Variants in MSH4 observed in about 807,000 individuals in gnomAD.
MSH4 encodes mutS homolog 4.
MSH4 carries 106 observed loss-of-function variants against 113.7 expected under a neutral mutation model. That is an observed-to-expected ratio of 0.93 (90% CI 0.80 to 1.10). The LOEUF is 1.10. MSH4 is among the 50% of genes least tolerant of loss of function. The probability of loss-of-function intolerance (pLI) is 0.00; values close to 1 mark genes in which losing one functional copy is unlikely to be tolerated. For synonymous variants in MSH4, 368 were observed against 380.2 expected, an observed-to-expected ratio of 0.97 and a Z score of 0.37; for missense variants, 1,061 against 1,093.7, an observed-to-expected ratio of 0.97 and a Z score of 0.42.
chr1:75,863,339 C>A (rs555006879), intron 8 of MSH4, among the ~76,000 whole-genome samples: 1 of 152,170 alleles, frequency 6.6e-6, no homozygotes, highest in Non-Finnish European at 1.5e-5. Context: ...AGATTCTACC[C>A]TAGTTGCAAA....
chr1:75,862,108 G>T (rs1651469220), intron 8 of MSH4, among the ~76,000 whole-genome samples: 1 of 152,188 alleles, frequency 6.6e-6, no homozygotes, highest in African/African-American at 2.4e-5. Context: ...GCACGGAAGG[G>T]GATCTCCTGG....
At chr1:75,909,102 G>A (rs182198480) in intron 19 of MSH4, among the ~76,000 whole-genome samples, 1 of 152,302 alleles carries the variant, frequency 6.6e-6, no homozygotes, top group East Asian at 1.9e-4. Flanking sequence ...CCAGGCACTA[G>A]TGGTGCTTCC....
chr1:75,846,496 G>A (rs1268023799), intron 7 of MSH4, among the ~76,000 whole-genome samples: 1 of 152,080 alleles, frequency 6.6e-6, no homozygotes, highest in Non-Finnish European at 1.5e-5. Context: ...TTCCTCTTAA[G>A]TTCTGCCTTC....
intron 15 of MSH4, among the ~76,000 whole-genome samples, chr1:75,887,689 C>T (rs1652157013): frequency 6.6e-6 from 1 of 152,100 alleles, no homozygotes; most frequent in Non-Finnish European, 1.5e-5. Flanking sequence ...GATTCAAACC[C>T]ATGCAGCCTG....
chr1:75,856,973 C>T (rs952134110), intron 8 of MSH4, among the ~76,000 whole-genome samples: 7 of 152,034 alleles, frequency 4.6e-5, no homozygotes, highest in Admixed American at 6.6e-5. Flanking sequence ...TTTTAATGAT[C>T]GCCATTCTAA....
At chr1:75,836,501 G>A (rs1371654872) in intron 7 of MSH4, among the ~76,000 whole-genome samples, 2 of 151,842 alleles carry the variant, frequency 1.3e-5, no homozygotes, top group African/African-American at 2.4e-5. Context: ...ATTTCACTAT[G>A]TTGCCCAGGC....
intron 3 of MSH4, among the ~76,000 whole-genome samples, chr1:75,807,980 A>G (rs1399536720): frequency 4.6e-5 from 7 of 152,206 alleles, no homozygotes. Context: ...TTGACTCCAC[A>G]GAAGTTCGTT....
At chr1:75,887,553 AGT>A (rs960651012) in intron 15 of MSH4, among the ~76,000 whole-genome samples, 1 of 152,104 alleles carries the variant, frequency 6.6e-6, no homozygotes, top group Admixed American at 6.6e-5. Flanking sequence ...GGAAACTGGA[AGT>A]GTTATCTGGT....
chr1:75,816,871 C>T (rs758223281), intron 6 of MSH4, among the ~76,000 whole-genome samples: 5 of 152,158 alleles, frequency 3.3e-5, no homozygotes, highest in Non-Finnish European at 5.9e-5. Flanking sequence ...AAATTATCCA[C>T]CTGCCTCAGC....
intron 8 of MSH4, among the ~76,000 whole-genome samples, chr1:75,858,334 G>C (rs1651368062): frequency 6.6e-6 from 1 of 152,204 alleles, no homozygotes; most frequent in Non-Finnish European, 1.5e-5. Context: ...GGGCATCCTT[G>C]TCTTGTGCCA....
intron 6 of MSH4, among the ~76,000 whole-genome samples, chr1:75,819,603 C>A (rs1465342511): frequency 6.6e-6 from 1 of 152,198 alleles, no homozygotes; most frequent in Non-Finnish European, 1.5e-5. Flanking sequence ...TTTTGAATAC[C>A]ATAAGGGCTC....
intron 7 of MSH4, among the ~76,000 whole-genome samples, chr1:75,826,941 G>A (rs1228431144): frequency 6.6e-6 from 1 of 152,154 alleles, no homozygotes; most frequent in Non-Finnish European, 1.5e-5. Context: ...CTGTTGATTT[G>A]GGGTAGAGAG....
At chr1:75,807,197 A>G in intron 3 of MSH4, 56 bp downstream of exon 3, 1 of 1,357,468 alleles carries the variant, frequency 7.4e-7, no homozygotes, top group Non-Finnish European at 9.7e-7. Flanking sequence ...TCTAGAGTTT[A>G]AAGTCAGTGC....
intron 7 of MSH4, among the ~76,000 whole-genome samples, chr1:75,836,361 C>T (rs1307550906): frequency 2.2e-5 from 3 of 139,448 alleles, no homozygotes; most frequent in Non-Finnish European, 4.5e-5. Context: ...TGTGGTGGTG[C>T]GATTTCAGCT....
chr1:75,822,925 A>G (rs1240234308), intron 7 of MSH4, among the ~76,000 whole-genome samples: 1 of 152,116 alleles, frequency 6.6e-6, no homozygotes, highest in East Asian at 1.9e-4. Flanking sequence ...TTATCAACGG[A>G]TAGGATATAT....
At chr1:75,809,173 G>A (rs1650133317) in intron 3 of MSH4, among the ~76,000 whole-genome samples, 1 of 151,958 alleles carries the variant, frequency 6.6e-6, no homozygotes, top group East Asian at 1.9e-4. Flanking sequence ...ATTGCCCCTC[G>A]GGTTCCCAAA....
intron 19 of MSH4, among the ~76,000 whole-genome samples, chr1:75,902,687 A>C (rs1410968277): frequency 1.1e-4 from 1 of 9,212 alleles, no homozygotes; most frequent in Non-Finnish European, 2.1e-4. Flanking sequence ...ATATATATAT[A>C]TATATATATA....
intron 9 of MSH4, among the ~76,000 whole-genome samples, chr1:75,870,403 A>T (rs1651685607): frequency 6.6e-6 from 1 of 152,184 alleles, no homozygotes; most frequent in Non-Finnish European, 1.5e-5. Context: ...TGGTTTTGAA[A>T]TGTGAAGACA....
intron 6 of MSH4, among the ~76,000 whole-genome samples, chr1:75,819,017 C>T (rs558603650): frequency 9.2e-5 from 14 of 152,198 alleles, no homozygotes; most frequent in African/African-American, 3.4e-4. Flanking sequence ...CCACCCGCCT[C>T]GGCCTCCTAA....
Sources: gnomAD v4.1 joint callset for allele counts (sites outside exome capture counted in the v4.1 genomes callset) on GRCh38, gnomAD v4.1.1 for gene constraint, MANE v1.5 for transcripts, NCBI Gene and HGNC (gene_info 2026-07-23, HGNC 2026-07-21) for gene names.